The following NAALADL2 variants were observed in gnomAD, a reference collection of about 807,000 sequenced individuals.
The protein encoded by NAALADL2 is N-acetylated alpha-linked acidic dipeptidase like 2.
A neutral mutation model predicts 87.2 loss-of-function variants in NAALADL2; 76 were observed. That is an observed-to-expected ratio of 0.87 (90% CI 0.72 to 1.05). The LOEUF (loss-of-function observed/expected upper bound fraction) is 1.05, where lower values mean the gene tolerates loss of function less well. Among genes scored for constraint, NAALADL2 ranks in the 50% least tolerant of loss-of-function variants. The probability of loss-of-function intolerance (pLI) is 0.00; values close to 1 mark genes in which losing one functional copy is unlikely to be tolerated. For synonymous variants in NAALADL2, 354 were observed against 331.0 expected (o/e 1.07, Z -0.75); for missense variants, 1,089 against 945.8 (o/e 1.15, Z -1.99).
At chr3:175,245,518 C>A (rs954452171) in intron 3 of NAALADL2, among the ~76,000 whole-genome samples, 2 of 152,110 alleles carry the variant, frequency 1.3e-5, no homozygotes, top group African/African-American at 4.8e-5. Context: ...AGACATTTTG[C>A]AAATGTATTA....
intron 3 of NAALADL2, among the ~76,000 whole-genome samples, chr3:174,752,978 C>A (rs1578790858): frequency 6.6e-6 from 1 of 152,302 alleles, no homozygotes; most frequent in Admixed American, 6.5e-5. Context: ...GTAACTTTTT[C>A]TATACATATA....
intron 11 of NAALADL2, among the ~76,000 whole-genome samples, chr3:175,673,246 C>T (rs1734256174): frequency 6.6e-6 from 1 of 152,132 alleles, no homozygotes; most frequent in African/African-American, 2.4e-5. Context: ...AGTTTTACAG[C>T]ATCTTCACAT....
intron 1 of NAALADL2, among the ~76,000 whole-genome samples, chr3:174,892,689 C>G (rs953724880): frequency 1.3e-5 from 2 of 151,892 alleles, no homozygotes; most frequent in Admixed American, 1.3e-4. Context: ...TTAGGAAGGT[C>G]GAGGTGGGTG....
At chr3:174,699,023 T>C (rs1426011680) in intron 2 of NAALADL2, among the ~76,000 whole-genome samples, 2 of 152,096 alleles carry the variant, frequency 1.3e-5, no homozygotes, top group African/African-American at 2.4e-5. Flanking sequence ...TGAATAGTTA[T>C]TTAAATACTG....
chr3:175,190,927 G>C (rs562765947), intron 2 of NAALADL2, among the ~76,000 whole-genome samples: 1 of 146,628 alleles, frequency 6.8e-6, no homozygotes, highest in Non-Finnish European at 1.5e-5. Flanking sequence ...GCAGTGAGCC[G>C]AGATGGAGCC....
chr3:175,067,537 A>G (rs1714755861), intron 1 of NAALADL2, among the ~76,000 whole-genome samples: 1 of 152,182 alleles, frequency 6.6e-6, no homozygotes, highest in African/African-American at 2.4e-5. Flanking sequence ...TAAAACCACA[A>G]TAAGATACCA....
chr3:174,882,316 C>G (rs563953618), intron 1 of NAALADL2, among the ~76,000 whole-genome samples: 233 of 151,520 alleles, frequency 1.5e-3, no homozygotes, highest in East Asian at 7.8e-4. Flanking sequence ...TCTTTTTTGA[C>G]TAATAATATG....
rs150978194 is a variant in NAALADL2 at position 175,593,298 on chromosome 3, T to C, written c.1800+17111T>C. 3.1e-3 allele frequency among the ~76,000 whole-genome samples: 468 copies of C among 152,334 alleles called. 1 individual carries two copies. The highest frequency in any genetic ancestry group is 0.011 in the African/African-American group (444 of 41,580). ...ACAAGTATTTTCTTTACCATTGTGA[T>C]AACGTCTAAGCAGGTAATGCCTTGA... is the stretch of plus-strand genomic sequence containing the variant. On this transcript the variant is annotated intron_variant, in intron 10 of 13. Transcript: ENST00000454872.
intron 1 of NAALADL2, among the ~76,000 whole-genome samples, chr3:174,543,575 A>G (rs1387145290): frequency 6.6e-6 from 1 of 151,796 alleles, no homozygotes; most frequent in Non-Finnish European, 1.5e-5. Context: ...CCCTCTCCCT[A>G]CTTCAGCCCA....
chr3:174,765,057 G>C (rs1202773426), intron 3 of NAALADL2, among the ~76,000 whole-genome samples: 2 of 147,806 alleles, frequency 1.4e-5, no homozygotes, highest in Non-Finnish European at 3.0e-5. Context: ...AAATAACCAA[G>C]AAAATAAAAG....
intron 1 of NAALADL2, among the ~76,000 whole-genome samples, chr3:174,964,780 C>G (rs536774470): frequency 3.3e-5 from 5 of 151,822 alleles, no homozygotes; most frequent in Admixed American, 3.3e-4. Flanking sequence ...AATAACGTAG[C>G]ACCTCTCAGG....
At chr3:174,940,343 C>T (rs759868373) in intron 1 of NAALADL2, among the ~76,000 whole-genome samples, 2 of 152,166 alleles carry the variant, frequency 1.3e-5, no homozygotes, top group Non-Finnish European at 2.9e-5. Flanking sequence ...ACCAATCTTG[C>T]ATCCCAGGGG....
At chr3:174,717,533 T>C (rs1406831431) in intron 2 of NAALADL2, among the ~76,000 whole-genome samples, 5 of 152,340 alleles carry the variant, frequency 3.3e-5, no homozygotes, top group East Asian at 1.9e-4. Flanking sequence ...TTCAGTTTAG[T>C]AGGCCAAATG....
At chr3:175,784,016 T>C (rs370201678) in intron 13 of NAALADL2, among the ~76,000 whole-genome samples, 14 of 144,448 alleles carry the variant, frequency 9.7e-5, no homozygotes, top group African/African-American at 2.4e-4. Flanking sequence ...TATTGATTTG[T>C]GTATATTGAA....
intron 2 of NAALADL2, among the ~76,000 whole-genome samples, chr3:175,137,065 A>C (rs773782123): frequency 1.3e-5 from 2 of 152,188 alleles, no homozygotes; most frequent in Admixed American, 6.5e-5. Context: ...TTACAAGATG[A>C]CAAGTAGTAC....
chr3:175,591,076 C>T (rs749413712), intron 10 of NAALADL2, among the ~76,000 whole-genome samples: 17 of 152,056 alleles, frequency 1.1e-4, no homozygotes, highest in Non-Finnish European at 2.2e-4. Context: ...CTCTATCATT[C>T]CCTGATATTT....
rs116584604 is a variant in NAALADL2, at chr3:175,503,441, T to A, written c.1653+31683T>A. Among the ~76,000 whole-genome samples, 749 of 152,300 alleles carry A rather than the reference T, an allele frequency of 4.9e-3. 6 individuals are homozygous for A. The highest frequency in any genetic ancestry group is 0.017 in the African/African-American group (715 of 41,580). On this transcript the variant is annotated intron_variant, in intron 9 of 13. Coordinates refer to ENST00000454872, the MANE Select transcript of NAALADL2 (RefSeq NM_207015.3). Reference sequence around the variant, plus strand: ...AACAACTTATATTCATTTGTGTGTATACCCAATAGTAGGATTGCTAGGTGG... The same window carrying A: ...AACAACTTATATTCATTTGTGTGTAAACCCAATAGTAGGATTGCTAGGTGG...
chr3:174,518,400 G>A (rs530161348), intron 1 of NAALADL2, among the ~76,000 whole-genome samples: 5 of 152,156 alleles, frequency 3.3e-5, no homozygotes, highest in South Asian at 2.1e-4. Context: ...TTTTAAATAC[G>A]TTTTTGATTC....
chr3:175,125,562 T>C (rs1726826371), intron 2 of NAALADL2, among the ~76,000 whole-genome samples: 1 of 152,030 alleles, frequency 6.6e-6, no homozygotes, highest in Non-Finnish European at 1.5e-5. Flanking sequence ...TGATTACATA[T>C]GGAATGTGAG....
Sources: allele counts gnomAD v4.1 joint callset (sites outside exome capture counted in the v4.1 genomes callset), GRCh38; gene constraint gnomAD v4.1.1; transcripts MANE v1.5; gene names NCBI Gene and HGNC (gene_info 2026-07-23, HGNC 2026-07-21).